UNC5D: variants seen among roughly 807,000 people sequenced by gnomAD.
UNC5D encodes unc-5 netrin receptor D.
Under a neutral mutation model 105.4 loss-of-function variants are expected in UNC5D, and 39 were observed. That is an observed-to-expected ratio of 0.37 (90% CI 0.29 to 0.48). The LOEUF (loss-of-function observed/expected upper bound fraction) is 0.48, where lower values mean the gene tolerates loss of function less well. Ranked by LOEUF, UNC5D falls within the 20% of genes least tolerant of loss-of-function variation. The pLI, the probability that UNC5D is intolerant of heterozygous loss-of-function variation, is 0.98. For missense variants in UNC5D, 991 were observed against 1,202.4 expected, an observed-to-expected ratio of 0.82 and a Z score of 2.60; for synonymous variants, 452 against 450.4, an observed-to-expected ratio of 1.00 and a Z score of -0.04.
At chr8:35,572,193 T>A (rs1298184251) in intron 3 of UNC5D, among the ~76,000 whole-genome samples, 1 of 129,702 alleles carries the variant, frequency 7.7e-6, no homozygotes, top group Non-Finnish European at 1.6e-5. Context: ...GAGGCTGAGG[T>A]GGGAGGATCG....
chr8:35,384,291 T>C (rs1297914486), intron 1 of UNC5D, among the ~76,000 whole-genome samples: 1 of 152,134 alleles, frequency 6.6e-6, no homozygotes, highest in African/African-American at 2.4e-5. Context: ...AAATTAACTC[T>C]GTTTCCCACG....
chr8:35,244,011 CT>C (rs1802945124), intron 1 of UNC5D, among the ~76,000 whole-genome samples: 1 of 152,138 alleles, frequency 6.6e-6, no homozygotes, highest in Non-Finnish European at 1.5e-5. Context: ...GCCTACATTC[CT>C]AGATAGATTC....
At chr8:35,334,522 T>TA (rs979899948) in intron 1 of UNC5D, among the ~76,000 whole-genome samples, 2 of 151,652 alleles carry the variant, frequency 1.3e-5, no homozygotes, top group African/African-American at 4.8e-5. Context: ...TTATTTATTT[T>TA]TTTTTTTGAG....
At chr8:35,236,301 T>C (rs1422952949) in intron 1 of UNC5D, among the ~76,000 whole-genome samples, 1 of 152,050 alleles carries the variant, frequency 6.6e-6, no homozygotes, top group Non-Finnish European at 1.5e-5. Flanking sequence ...AGGGGCCAGG[T>C]GATGGGAGTG....
chr8:35,517,267 C>T (rs1476190996), intron 1 of UNC5D, among the ~76,000 whole-genome samples: 2 of 152,134 alleles, frequency 1.3e-5, no homozygotes, highest in African/African-American at 4.8e-5. Flanking sequence ...GTCATTCAAT[C>T]GTGTTCAAAG....
chr8:35,365,989 C>A (rs1020697393), intron 1 of UNC5D, among the ~76,000 whole-genome samples: 5 of 152,092 alleles, frequency 3.3e-5, no homozygotes, highest in South Asian at 2.1e-4. Flanking sequence ...AGAATTAAAT[C>A]TCTGGCCATA....
chr8:35,379,930 T>G (rs1802920808), intron 1 of UNC5D, among the ~76,000 whole-genome samples: 1 of 151,676 alleles, frequency 6.6e-6, no homozygotes, highest in African/African-American at 2.4e-5. Flanking sequence ...CCTGCTTCCA[T>G]AATGAAGTAC....
intron 16 of UNC5D, among the ~76,000 whole-genome samples, chr8:35,780,587 AAAAAG>A (rs1802459466): frequency 6.6e-6 from 1 of 152,206 alleles, no homozygotes; most frequent in African/African-American, 2.4e-5. Flanking sequence ...GGAGGGGAAA[AAAAAG>A]AGGGAAGATG....
At chr8:35,525,637 A>G in intron 1 of UNC5D, 12 of 1,613,480 alleles carry the variant, frequency 7.4e-6, no homozygotes, top group Non-Finnish European at 1.0e-5. Flanking sequence ...GAAGAGGGAC[A>G]TTTTAAAGCC....
At position 35,774,342 on chromosome 8, in the gene UNC5D, CT is replaced by C. The variant is rs758876633; in HGVS notation, c.2525del (p.Phe842SerfsTer37). ...ACTTTCTTCGCACAAGAGGACAGCACTTTCCCTGCACAGACTGGCCCCAAAG... is the reference window on the plus strand; with the variant it reads ...ACTTTCTTCGCACAAGAGGACAGCACTTCCCTGCACAGACTGGCCCCAAAG... Reference protein sequence around the residue: ...TITFFAQEDSTFPAQTGPKAF... With the variant: ...TITFFAQEDSXFPAQTGPKAF... On this transcript the variant is annotated frameshift_variant, in exon 16 of 17. Coordinates refer to ENST00000404895, the MANE Select transcript of UNC5D (RefSeq NM_080872.4). LOFTEE classifies it high-confidence loss of function. 1 of 1,614,068 alleles carries C rather than the reference CT, an allele frequency of 6.2e-7. No individual in the cohort carries two copies. Among genetic ancestry groups the C allele is most frequent in the South Asian group, 1.1e-5 (1 of 91,078 alleles).
At chr8:35,664,500 G>A (rs567622176) in intron 4 of UNC5D, among the ~76,000 whole-genome samples, 1 of 151,594 alleles carries the variant, frequency 6.6e-6, no homozygotes, top group African/African-American at 2.4e-5. Flanking sequence ...CTCAGCCTCC[G>A]AGTAGCTGGA....
At chr8:35,728,583 G>A (rs963929721) in intron 10 of UNC5D, among the ~76,000 whole-genome samples, 2 of 152,324 alleles carry the variant, frequency 1.3e-5, no homozygotes, top group Non-Finnish European at 2.9e-5. Flanking sequence ...CTGTGGAGAA[G>A]TAAAACATAT....
intron 4 of UNC5D, among the ~76,000 whole-genome samples, chr8:35,651,422 A>G (rs1011479152): frequency 6.6e-5 from 10 of 152,374 alleles, no homozygotes; most frequent in Middle Eastern, 3.4e-3. Flanking sequence ...CAGAGCTAGC[A>G]GCAAAGTGAG....
intron 1 of UNC5D, among the ~76,000 whole-genome samples, chr8:35,282,569 T>A (rs374171284): frequency 1.3e-5 from 2 of 152,260 alleles, no homozygotes; most frequent in South Asian, 2.1e-4. Flanking sequence ...AACTTTATGA[T>A]ACCAAAATTA....
intron 4 of UNC5D, among the ~76,000 whole-genome samples, chr8:35,682,937 G>A (rs996079582): frequency 1.3e-5 from 2 of 152,138 alleles, no homozygotes; most frequent in Admixed American, 1.3e-4. Flanking sequence ...ATGTCTCTTC[G>A]ATCACTGGAG....
intron 4 of UNC5D, among the ~76,000 whole-genome samples, chr8:35,679,716 C>G (rs1372816833): frequency 2.0e-5 from 3 of 152,074 alleles, no homozygotes; most frequent in African/African-American, 7.2e-5. Flanking sequence ...ACAGACAGAC[C>G]AGTTGGTGAA....
chr8:35,645,677 T>C (rs1823002038), intron 4 of UNC5D, among the ~76,000 whole-genome samples: 1 of 152,000 alleles, frequency 6.6e-6, no homozygotes, highest in Non-Finnish European at 1.5e-5. Flanking sequence ...CAAAGGTCTT[T>C]GAACTAGGCT....
intron 3 of UNC5D, among the ~76,000 whole-genome samples, chr8:35,583,941 T>A (rs901062341): frequency 6.6e-6 from 1 of 152,152 alleles, no homozygotes; most frequent in Non-Finnish European, 1.5e-5. Context: ...CATTATTTTC[T>A]TGTCAAAGGA....
chr8:35,332,658 G>A (rs1318899585), intron 1 of UNC5D, among the ~76,000 whole-genome samples: 1 of 152,180 alleles, frequency 6.6e-6, no homozygotes, highest in East Asian at 1.9e-4. Context: ...GGGCAGACCA[G>A]TTACACTTAT....
Sources: allele counts gnomAD v4.1 joint callset (sites outside exome capture counted in the v4.1 genomes callset), GRCh38; gene constraint gnomAD v4.1.1; transcripts MANE v1.5; gene names NCBI Gene and HGNC (gene_info 2026-07-23, HGNC 2026-07-21).